The following TNRC6B variants were observed in gnomAD, a reference collection of about 807,000 sequenced individuals.
The protein encoded by TNRC6B is trinucleotide repeat-containing gene 6B protein.
In TNRC6B, 52 loss-of-function variants were observed where a neutral mutation model predicts 203.6. The observed-to-expected ratio is 0.26, with a 90% CI of 0.20 to 0.32. TNRC6B has a LOEUF of 0.32. Among genes scored for constraint, TNRC6B ranks in the 10% least tolerant of loss-of-function variants. The probability of loss-of-function intolerance (pLI) is 1.00; values close to 1 mark genes in which losing one functional copy is unlikely to be tolerated. For synonymous variants in TNRC6B, 838 were observed against 845.7 expected (o/e 0.99, Z 0.16); for missense variants, 1,923 against 2,286.2 (o/e 0.84, Z 3.24).
chr22:40,186,832 T>G (rs1458735969), intron 1 of TNRC6B, among the ~76,000 whole-genome samples: 1 of 152,096 alleles, frequency 6.6e-6, no homozygotes, highest in Non-Finnish European at 1.5e-5. Flanking sequence ...ATTCAACATA[T>G]TATTGATTTT....
chr22:40,090,041 A>G (rs1425656879), intron 1 of TNRC6B, among the ~76,000 whole-genome samples: 1 of 152,170 alleles, frequency 6.6e-6, no homozygotes, highest in East Asian at 1.9e-4. Flanking sequence ...CATGAATAAT[A>G]TTCCATTGCC....
chr22:40,162,634 A>G (rs2068880900), intron 4 of TNRC6B, among the ~76,000 whole-genome samples: 1 of 152,208 alleles, frequency 6.6e-6, no homozygotes, highest in African/African-American at 2.4e-5. Context: ...TGTGTATTAC[A>G]CCATAAGGTT....
intron 3 of TNRC6B, among the ~76,000 whole-genome samples, chr22:40,255,315 C>A (rs1189104134): frequency 6.6e-6 from 1 of 152,188 alleles, no homozygotes; most frequent in Non-Finnish European, 1.5e-5. Flanking sequence ...GAGAGCAGCA[C>A]CTTCTCCATC....
At chr22:40,316,119 C>G (rs1173500835) in intron 21 of TNRC6B, 107 bp downstream of exon 21, 6 of 960,310 alleles carry the variant, frequency 6.2e-6, no homozygotes, top group Admixed American at 4.3e-5. Flanking sequence ...CTTTGGGAGG[C>G]CGAGGCGGGT....
rs2071468660 is a variant in TNRC6B at position 40,331,671 on chromosome 22, C to CCA, written c.*8430_*8431insCA. ...TTTTTTTTTTTTTTTTTTTTTTTTTCAAAAAAAAAAGTCCCACATGTGGTC... is the reference window on the plus strand; with the variant it reads ...TTTTTTTTTTTTTTTTTTTTTTTTTCCAAAAAAAAAAAGTCCCACATGTGGTC... On this transcript the variant is annotated 3_prime_UTR_variant, in exon 23 of 23. Transcript: ENST00000454349. 3.6e-5 allele frequency: 4 copies of CCA among 111,724 alleles called. No homozygotes were observed. The highest frequency in any genetic ancestry group is 6.2e-5 in the African/African-American group (1 of 16,196). 6.9% of individuals were successfully genotyped at this position (111,724 alleles called of 1,614,324 possible).
In TNRC6B at chr22:40,266,383, C is replaced by T. The variant is rs2070480400; in HGVS notation, c.2153C>T (p.Thr718Ile). The T allele has an allele frequency of 6.2e-7, 1 of 1,613,614 alleles. No homozygotes were observed. The highest frequency in any genetic ancestry group is 8.5e-7 in the Non-Finnish European group (1 of 1,179,752). ...GGAGGAGGACGACCTGATGAAAAGA[C>T]ACCTTCCTCTTGGAATGAGAATCCC... is the stretch of plus-strand genomic sequence containing the variant. ...NWGGGRPDEK[T>I]PSSWNENPSK... Residue 718 changes from threonine (T) to isoleucine (I), a missense_variant, in exon 5 of 23, where the codon ACA (threonine) becomes ATA (isoleucine). Physicochemically the swap from Thr to Ile is moderately conservative, Grantham distance 89. Coordinates refer to ENST00000454349, the MANE Select transcript of TNRC6B (RefSeq NM_001162501.2).
At chr22:40,270,314 T>C (rs1320665894) in intron 6 of TNRC6B, 34 bp downstream of exon 6, 3 of 149,068 alleles carry the variant, frequency 2.0e-5, no homozygotes, top group Non-Finnish European at 3.9e-5. Flanking sequence ...TGAGGGATCC[T>C]TTTTTTTTTT....
intron 1 of TNRC6B, among the ~76,000 whole-genome samples, chr22:40,182,671 C>G (rs2069149332): frequency 6.6e-6 from 1 of 152,326 alleles, no homozygotes; most frequent in South Asian, 2.1e-4. Context: ...TACTTGCCAT[C>G]TGGTGACTAA....
rs540189237 is a variant in TNRC6B at position 40,069,518 on chromosome 22, G to A, written c.-121+24520G>A. Among the ~76,000 whole-genome samples, 15 of 144,600 alleles carry A rather than the reference G, an allele frequency of 1.0e-4. No individual in the cohort carries two copies. In the South Asian group the frequency reaches 1.3e-3, roughly 13 times the overall value. 94.9% of individuals were successfully genotyped at this position (144,600 alleles called of 152,430 possible). A position where few individuals can be genotyped will look rare whatever the true frequency, so the allele number is the denominator to read the frequency against. ...TTTTTTTTTTTTGAGATGGAGTTTC[G>A]CTCTCATTGCCCCAGCTGGAGTGCA... On this transcript the variant is annotated intron_variant, in intron 1 of 23. Coordinates refer to the TNRC6B transcript ENST00000301923.
At chr22:40,059,470 G>T (rs73418328) in intron 1 of TNRC6B, among the ~76,000 whole-genome samples, 6,718 of 152,204 alleles carry the variant, frequency 0.044, 451 homozygotes, top group African/African-American at 0.14. Context: ...GTCCTGGCTA[G>T]TACTTCGAGT....
intron 3 of TNRC6B, among the ~76,000 whole-genome samples, chr22:40,260,622 A>T (rs1417958840): frequency 1.3e-5 from 2 of 152,150 alleles, no homozygotes; most frequent in African/African-American, 4.8e-5. Context: ...AATAAAGTTT[A>T]CTCAGGGGTA....
intron 12 of TNRC6B, among the ~76,000 whole-genome samples, chr22:40,291,907 C>T (rs1040310907): frequency 3.3e-5 from 5 of 152,148 alleles, no homozygotes; most frequent in African/African-American, 1.2e-4. Flanking sequence ...ATAGAAGATA[C>T]TGAGGCCGGG....
At chr22:40,051,854 T>G (rs2067748213) in intron 1 of TNRC6B, among the ~76,000 whole-genome samples, 1 of 152,230 alleles carries the variant, frequency 6.6e-6, no homozygotes, top group Non-Finnish European at 1.5e-5. Context: ...TTTAAATAGG[T>G]AATTGGTAAA....
intron 3 of TNRC6B, among the ~76,000 whole-genome samples, chr22:40,145,266 TAAAAA>T (rs1175266777): frequency 6.6e-6 from 1 of 151,670 alleles, no homozygotes. Flanking sequence ...AGAAATGAGA[TAAAAA>T]TAAAATTCAT....
chr22:40,175,465 CACTT>C (rs1256143478), upstream of TNRC6B, among the ~76,000 whole-genome samples: 1 of 152,130 alleles, frequency 6.6e-6, no homozygotes, highest in Non-Finnish European at 1.5e-5. Flanking sequence ...TGCTATTTAA[CACTT>C]ACAAGGCAAC....
At chr22:40,099,653 C>A (rs1229054726) in intron 1 of TNRC6B, among the ~76,000 whole-genome samples, 1 of 152,170 alleles carries the variant, frequency 6.6e-6, no homozygotes, top group Non-Finnish European at 1.5e-5. Context: ...TCATAAATAA[C>A]CTAGAGATTA....
At chr22:40,172,494 ATTGTTGGTGTAGTG>A (rs2069010926) in intron 4 of TNRC6B, among the ~76,000 whole-genome samples, 1 of 152,172 alleles carries the variant, frequency 6.6e-6, no homozygotes, top group South Asian at 2.1e-4. Flanking sequence ...CCATCCTTGT[ATTGTTGGTGTAGTG>A]TTGTTGGTGT....
chr22:40,123,645 G>A (rs2068463786), intron 2 of TNRC6B, among the ~76,000 whole-genome samples: 1 of 152,188 alleles, frequency 6.6e-6, no homozygotes, highest in South Asian at 2.1e-4. Flanking sequence ...TACAGCACCA[G>A]ACCAAGGAGT....
At chr22:40,107,325 C>T (rs2068294268) in intron 1 of TNRC6B, among the ~76,000 whole-genome samples, 1 of 152,134 alleles carries the variant, frequency 6.6e-6, no homozygotes, top group African/African-American at 2.4e-5. Context: ...ATTAGTACTC[C>T]TCTGCCTTTA....
Sources: allele counts gnomAD v4.1 joint callset (sites outside exome capture counted in the v4.1 genomes callset), GRCh38; gene constraint gnomAD v4.1.1; transcripts MANE v1.5; gene names NCBI Gene and HGNC (gene_info 2026-07-23, HGNC 2026-07-21).